Variants in PCDHAC2 observed in about 807,000 individuals in gnomAD.
The protein encoded by PCDHAC2 is protocadherin alpha subfamily C, 2.
In PCDHAC2, 24 loss-of-function variants were observed where a neutral mutation model predicts 63.3. The ratio of observed to expected loss-of-function variants is 0.38; its 90% CI spans 0.27 to 0.53. The LOEUF is 0.53. Among genes scored for constraint, PCDHAC2 ranks in the 20% least tolerant of loss-of-function variants. The probability of loss-of-function intolerance (pLI) is 0.81; values close to 1 mark genes in which losing one functional copy is unlikely to be tolerated. For synonymous variants in PCDHAC2, 569 were observed against 529.4 expected, an observed-to-expected ratio of 1.07 and a Z score of -1.03; for missense variants, 1,181 against 1,275.2, an observed-to-expected ratio of 0.93 and a Z score of 1.12.
chr5:140,967,155 C>A lies in PCDHAC2; in HGVS notation c.389C>A (p.Ala130Glu), dbSNP rs1554229255. The A allele has an allele frequency of 6.2e-7, 1 of 1,610,598 alleles. No individual in the cohort carries two copies. The highest frequency in any genetic ancestry group is 1.7e-5 in the Admixed American group (1 of 59,946). The change falls in exon 1 of 4, where the codon GCG becomes GAG. Residue 130 changes from alanine (A) to glutamate (E), a missense_variant. Physicochemically the swap from Ala to Glu is moderately radical, Grantham distance 107. This residue lies in a region of PCDHAC2 where 210 missense variants were observed against 184.9 expected (regional missense o/e 1.14). Coordinates refer to ENST00000289269, the MANE Select transcript of PCDHAC2 (RefSeq NM_018899.6). Reference sequence around the variant, plus strand: ...GAAGTGCTGGCGCACAACCCCGTGGCGGTGAGCGCCGTTGAGGTGGAAATA... The same window carrying A: ...GAAGTGCTGGCGCACAACCCCGTGGAGGTGAGCGCCGTTGAGGTGGAAATA... ...SLEVLAHNPVAVSAVEVEILD... is the reference protein window; with the variant it reads ...SLEVLAHNPVEVSAVEVEILD...
intron 2 of PCDHAC2, among the ~76,000 whole-genome samples, chr5:140,979,831 A>G (rs1401761792): frequency 5.3e-5 from 8 of 152,236 alleles, no homozygotes; most frequent in African/African-American, 1.9e-4. Context: ...TTAAAGAAGA[A>G]ATAATCTTCA....
chr5:140,966,899 C>T lies in PCDHAC2; in HGVS notation c.133C>T (p.Arg45Ter). ...LLPGPAASQL[R>*]YSVPEEQAPG... is the part of the protein sequence containing the mutation. ...ACCTGGCCCTGCGGCCTCCCAGCTGCGATACTCTGTGCCAGAGGAGCAGGC... is the reference window on the plus strand; with the variant it reads ...ACCTGGCCCTGCGGCCTCCCAGCTGTGATACTCTGTGCCAGAGGAGCAGGC... Residue 45 changes from arginine (R) to a stop codon, truncating the protein, a stop_gained, in exon 1 of 4, where the codon CGA (arginine) becomes TGA (stop). Transcript: ENST00000289269. LOFTEE classifies it high-confidence loss of function. 1.3e-6 allele frequency: 2 copies of T among 1,598,372 alleles called. No individual in the cohort carries two copies. Among genetic ancestry groups the T allele is most frequent in the African/African-American group, 1.3e-5 (1 of 74,820 alleles).
chr5:140,977,701 G>A (rs1299788207), intron 1 of PCDHAC2, among the ~76,000 whole-genome samples: 2 of 152,146 alleles, frequency 1.3e-5, no homozygotes, highest in African/African-American at 4.8e-5. Context: ...AAATCTGTCT[G>A]AATATTGAGA....
At chr5:140,969,994 CAGAG>C (rs1406079395) in intron 1 of PCDHAC2, among the ~76,000 whole-genome samples, 2 of 152,032 alleles carry the variant, frequency 1.3e-5, no homozygotes, top group Non-Finnish European at 1.5e-5. Context: ...AGAGGGCTGT[CAGAG>C]GGAGTGGATG....
chr5:140,976,644 A>G (rs1487728765), intron 1 of PCDHAC2, among the ~76,000 whole-genome samples: 1 of 152,228 alleles, frequency 6.6e-6, no homozygotes, highest in Admixed American at 6.5e-5. Context: ...CAGACAAGTA[A>G]TTTAATCTCT....
At chr5:141,002,555 A>T (rs1349538713) in intron 3 of PCDHAC2, among the ~76,000 whole-genome samples, 1 of 152,222 alleles carries the variant, frequency 6.6e-6, no homozygotes, top group African/African-American at 2.4e-5. Flanking sequence ...CCCAGGATCC[A>T]CCAGTTAGTG....
chr5:140,983,766 T>C (rs1554245666), intron 3 of PCDHAC2, among the ~76,000 whole-genome samples: 2 of 152,206 alleles, frequency 1.3e-5, no homozygotes, highest in African/African-American at 4.8e-5. Flanking sequence ...TTCAAATACA[T>C]ATCTACATAC....
chr5:140,973,929 T>C (rs2096608226), intron 1 of PCDHAC2, among the ~76,000 whole-genome samples: 1 of 152,216 alleles, frequency 6.6e-6, no homozygotes, highest in Non-Finnish European at 1.5e-5. Flanking sequence ...AACCCAGAGG[T>C]TTAGCTGAAT....
chr5:140,972,958 G>C (rs918792607), intron 1 of PCDHAC2, among the ~76,000 whole-genome samples: 1 of 152,038 alleles, frequency 6.6e-6, no homozygotes, highest in African/African-American at 2.4e-5. Context: ...CACCATGCCC[G>C]GCAAAGGAAA....
At position 141,007,395 on chromosome 5, in the gene PCDHAC2, CAAAA is replaced by C. The variant is rs35800918; in HGVS notation, c.2714-2212_2714-2209del. Among the ~76,000 whole-genome samples the C allele has an allele frequency of 1.2e-3, 116 of 94,838 alleles. No homozygotes were observed. In the Middle Eastern group the frequency reaches 0.016, roughly 13 times the overall value. 62.2% of individuals were successfully genotyped at this position (94,838 alleles called of 152,430 possible). ...ATGGAACACCATCTCTACTAAAATA[CAAAA>C]AAAAAAAAAAAAAAAAAAATTAGCC... is the stretch of plus-strand genomic sequence containing the variant. On this transcript the variant is annotated intron_variant, in intron 3 of 3. Coordinates refer to ENST00000289269, the MANE Select transcript of PCDHAC2 (RefSeq NM_018899.6).
rs2096057002 is a variant in PCDHAC2, at chr5:140,966,813, T to C, written c.47T>C (p.Leu16Pro). The C allele has an allele frequency of 1.3e-6, 2 of 1,551,874 alleles. No individual in the cohort carries two copies. Among genetic ancestry groups the C allele is most frequent in the Non-Finnish European group, 8.7e-7 (1 of 1,152,670 alleles). The change falls in exon 1 of 4, where the codon CTC (leucine) becomes CCC (proline). Residue 16 changes from leucine (L) to proline (P), a missense_variant. By Grantham distance (98) the Leu-to-Pro change is moderately conservative (BLOSUM62 -3). This residue lies in a region of PCDHAC2 where 210 missense variants were observed against 184.9 expected (regional missense o/e 1.14). Coordinates refer to ENST00000289269, the MANE Select transcript of PCDHAC2 (RefSeq NM_018899.6). ...CCTGCGGCGACAGAGCATCCACGGCTCCGGCGGCCCATGCCCTGGCTGCTG... is the reference window on the plus strand; with the variant it reads ...CCTGCGGCGACAGAGCATCCACGGCCCCGGCGGCCCATGCCCTGGCTGCTG... ...TRPAATEHPR[L>P]RRPMPWLLLL...
At chr5:141,002,333 G>A (rs782123745) in intron 3 of PCDHAC2, among the ~76,000 whole-genome samples, 15 of 152,314 alleles carry the variant, frequency 9.8e-5, no homozygotes, top group Non-Finnish European at 1.8e-4. Flanking sequence ...GGCTGCATCC[G>A]CACCCCTTCC....
chr5:140,986,545 G>T (rs1554248133), intron 3 of PCDHAC2, among the ~76,000 whole-genome samples: 1 of 152,172 alleles, frequency 6.6e-6, no homozygotes, highest in East Asian at 1.9e-4. Context: ...GCTTCAGTGG[G>T]CCAGGCTGCT....
chr5:141,004,500 T>C (rs1481568200), intron 3 of PCDHAC2, among the ~76,000 whole-genome samples: 1 of 152,242 alleles, frequency 6.6e-6, no homozygotes, highest in Non-Finnish European at 1.5e-5. Context: ...GCAGTCCTGC[T>C]GTGAGGGGCT....
rs11350929 is a variant in PCDHAC2, at chr5:140,972,660, ATTT to A, written c.2565+3349_2565+3351del. Among the ~76,000 whole-genome samples, 687 of 117,242 alleles carry A rather than the reference ATTT, an allele frequency of 5.9e-3. 9 individuals carry two copies. Among genetic ancestry groups the A allele is most frequent in the African/African-American group, 0.021 (630 of 30,162 alleles). 76.9% of individuals were successfully genotyped at this position (117,242 alleles called of 152,430 possible). A position where few individuals can be genotyped will look rare whatever the true frequency, so the allele number is the denominator to read the frequency against. On this transcript the variant is annotated intron_variant, in intron 1 of 3. Coordinates refer to ENST00000289269, the MANE Select transcript of PCDHAC2 (RefSeq NM_018899.6). ...CAGAGTCTCCATAAAAAGAAACCAAATTTTTTTTTTTTTTTTTTTTTTGAGATG... is the reference window on the plus strand; with the variant it reads ...CAGAGTCTCCATAAAAAGAAACCAAATTTTTTTTTTTTTTTTTTTGAGATG...
At chr5:140,998,300 G>C (rs1287043977) in intron 3 of PCDHAC2, among the ~76,000 whole-genome samples, 1 of 152,194 alleles carries the variant, frequency 6.6e-6, no homozygotes, top group Non-Finnish European at 1.5e-5. Context: ...CACACATTTA[G>C]TAAGGGCACC....
intron 1 of PCDHAC2, among the ~76,000 whole-genome samples, chr5:140,971,892 G>C (rs2096504766): frequency 6.6e-6 from 1 of 151,694 alleles, no homozygotes; most frequent in African/African-American, 2.4e-5. Context: ...AGCTCAGGGA[G>C]GTTAGGTAAT....
chr5:140,975,099 A>G (rs540357854), intron 1 of PCDHAC2, among the ~76,000 whole-genome samples: 1 of 152,152 alleles, frequency 6.6e-6, no homozygotes, highest in Non-Finnish European at 1.5e-5. Flanking sequence ...TTGTTTGGGG[A>G]CTGAGATCTC....
At chr5:140,996,173 A>G (rs2097715399) in intron 3 of PCDHAC2, among the ~76,000 whole-genome samples, 1 of 152,236 alleles carries the variant, frequency 6.6e-6, no homozygotes, top group Non-Finnish European at 1.5e-5. Flanking sequence ...ATGTGCTGAC[A>G]GCACCTCCAT....
Sources: allele counts gnomAD v4.1 joint callset (sites outside exome capture counted in the v4.1 genomes callset), GRCh38; gene constraint gnomAD v4.1.1; regional missense constraint gnomAD v4.1.1; transcripts MANE v1.5; gene names NCBI Gene and HGNC (gene_info 2026-07-23, HGNC 2026-07-21).